Variants in HTT observed in about 807,000 individuals in gnomAD.
The protein encoded by HTT is huntingtin, also known as huntington disease protein.
In HTT, 104 loss-of-function variants were observed where a neutral mutation model predicts 362.3. The observed-to-expected ratio is 0.29, with a 90% CI of 0.24 to 0.34. The LOEUF (loss-of-function observed/expected upper bound fraction) is 0.34. Ranked by LOEUF, HTT falls within the 10% of genes least tolerant of loss-of-function variation. The probability of loss-of-function intolerance (pLI) is 1.00; values close to 1 mark genes in which losing one functional copy is unlikely to be tolerated. For missense variants in HTT, 3,301 were observed against 3,928.6 expected, an observed-to-expected ratio of 0.84 and a Z score of 4.27; for synonymous variants, 1,577 against 1,548.7, an observed-to-expected ratio of 1.02 and a Z score of -0.43.
chr4:3,167,127 A>G (rs990924688), intron 29 of HTT, among the ~76,000 whole-genome samples: 1 of 152,240 alleles, frequency 6.6e-6, no homozygotes, highest in Non-Finnish European at 1.5e-5. Flanking sequence ...GCTGACGTGC[A>G]TCGGCACAAT....
chr4:3,196,801 T>C lies in HTT; in HGVS notation c.5369-2931T>C, dbSNP rs187216217. Among the ~76,000 whole-genome samples, 41 of 152,136 alleles carry C rather than the reference T, an allele frequency of 2.7e-4. No individual in the cohort carries two copies. The East Asian group carries it at 7.3e-3, about 27-fold the overall frequency. Reference sequence around the variant, plus strand: ...CGAAACATGTATGTCTTACCTTTCCTTTCCTGCCTGTAGCTGCTCTTTTAC... The same window carrying C: ...CGAAACATGTATGTCTTACCTTTCCCTTCCTGCCTGTAGCTGCTCTTTTAC... On this transcript the variant is annotated intron_variant, in intron 40 of 66. Transcript: ENST00000355072.
At chr4:3,112,923 TTTACTC>T (rs1453618933) in intron 6 of HTT, 1 of 423,206 alleles carries the variant, frequency 2.4e-6, no homozygotes, top group Admixed American at 6.4e-5. Flanking sequence ...TGCTGATGCT[TTTACTC>T]TTAGCCTTCC....
chr4:3,218,413 A>G lies in HTT; in HGVS notation c.7242+461A>G, dbSNP rs1720514762. ...TTTGGGAAGCCAAGGTGGGCGGATCACTTGAGGTCAGGATTTCGAGACCAG... is the reference window on the plus strand; with the variant it reads ...TTTGGGAAGCCAAGGTGGGCGGATCGCTTGAGGTCAGGATTTCGAGACCAG... On this transcript the variant is annotated intron_variant, in intron 52 of 66. Coordinates refer to ENST00000355072, the MANE Select transcript of HTT (RefSeq NM_001388492.1). The surrounding 1 kb of genome is among the most constrained non-coding windows in gnomAD (Gnocchi z 4.4). Among the ~76,000 whole-genome samples, 1 of 152,184 alleles carries G rather than the reference A, an allele frequency of 6.6e-6. No individual in the cohort carries two copies. Among genetic ancestry groups the G allele is most frequent in the African/African-American group, 2.4e-5 (1 of 41,436 alleles).
intron 37 of HTT, among the ~76,000 whole-genome samples, chr4:3,186,117 A>G (rs545312505): frequency 2.0e-5 from 3 of 152,272 alleles, no homozygotes; most frequent in African/African-American, 7.2e-5. Context: ...GGCTATAGGA[A>G]CATGGGGCAG....
chr4:3,178,527 C>T (rs930433393), intron 35 of HTT, 81 bp downstream of exon 35: 11 of 1,269,602 alleles, frequency 8.7e-6, no homozygotes, highest in African/African-American at 3.0e-5. Flanking sequence ...CCACTTTGAA[C>T]GTTGTCAGTG....
chr4:3,138,671 T>C (rs1168579504), intron 21 of HTT, among the ~76,000 whole-genome samples: 1 of 152,216 alleles, frequency 6.6e-6, no homozygotes, highest in East Asian at 1.9e-4. Context: ...TGGAGTGTGG[T>C]GGTGCGATCT....
intron 38 of HTT, 72 bp from the exon 39 acceptor site, chr4:3,187,579 A>G (rs1718826412): frequency 1.9e-6 from 2 of 1,073,094 alleles, no homozygotes; most frequent in Non-Finnish European, 2.8e-6. Flanking sequence ...TTCTTTCACA[A>G]AATTGGCAAT....
At chr4:3,189,258 G>T (rs1378356111) in intron 40 of HTT, among the ~76,000 whole-genome samples, 165 bp downstream of exon 40, 1 of 152,182 alleles carries the variant, frequency 6.6e-6, no homozygotes, top group Admixed American at 6.5e-5. Flanking sequence ...ATGTGACCCA[G>T]CAGTTCCACT....
rs749526137 is a variant in HTT at position 3,129,974 on chromosome 4, C to G, written c.1794C>G (p.Pro598=). Residue 598 remains proline (P), a synonymous_variant, in exon 13 of 67, where the codon CCC becomes CCG. Coordinates refer to ENST00000355072, the MANE Select transcript of HTT (RefSeq NM_001388492.1). ...NQYLGLQIGQ[P]QDEDEEATGI... Reference sequence around the variant, plus strand: ...ATTTGGGCCTGCAGATTGGACAGCCCCAGGATGAAGATGAGGAAGCCACAG... The same window carrying G: ...ATTTGGGCCTGCAGATTGGACAGCCGCAGGATGAAGATGAGGAAGCCACAG... The G allele has an allele frequency of 6.2e-7, 1 of 1,613,948 alleles. No individual in the cohort carries two copies. The highest frequency in any genetic ancestry group is 8.5e-7 in the Non-Finnish European group (1 of 1,179,928).
chr4:3,153,736 T>C (rs1199620581), intron 26 of HTT, among the ~76,000 whole-genome samples: 1 of 152,000 alleles, frequency 6.6e-6, no homozygotes, highest in African/African-American at 2.4e-5. Flanking sequence ...AGCCTGGGCA[T>C]CATAGTGTGA....
chr4:3,210,021 A>G, intron 47 of HTT, 72 bp downstream of exon 47: 4 of 1,568,622 alleles, frequency 2.6e-6, no homozygotes, highest in Non-Finnish European at 3.5e-6. Flanking sequence ...TTGTCTCATC[A>G]TCATGTGACC....
intron 6 of HTT, among the ~76,000 whole-genome samples, chr4:3,112,639 C>G (rs1209817223): frequency 6.6e-6 from 1 of 152,120 alleles, no homozygotes; most frequent in African/African-American, 2.4e-5. Flanking sequence ...AGGGATATAC[C>G]ACAGTTTATT....
intron 22 of HTT, among the ~76,000 whole-genome samples, chr4:3,142,381 A>G (rs568876662): frequency 6.6e-6 from 1 of 152,270 alleles, no homozygotes; most frequent in Non-Finnish European, 1.5e-5. Flanking sequence ...TATAACTATA[A>G]TGGGGGATAG....
At chr4:3,157,536 A>C (rs1043566845) in intron 28 of HTT, among the ~76,000 whole-genome samples, 1 of 152,206 alleles carries the variant, frequency 6.6e-6, no homozygotes, top group Non-Finnish European at 1.5e-5. Flanking sequence ...ACAAAAATAC[A>C]GCAACATGCT....
In HTT at chr4:3,177,124, T is replaced by A. The variant is rs529226860; in HGVS notation, c.4408-208T>A. Among the ~76,000 whole-genome samples, 17 of 152,364 alleles carry A rather than the reference T, an allele frequency of 1.1e-4. No individual in the cohort carries two copies. In the South Asian group the frequency reaches 1.9e-3, roughly 17 times the overall value. ...TTTGTTTTTCCAATGAGATTTCACC[T>A]CAGGGTATAGTAAAGTTGTTGAGGG... On this transcript the variant is annotated intron_variant, in intron 33 of 66. Coordinates refer to ENST00000355072, the MANE Select transcript of HTT (RefSeq NM_001388492.1).
chr4:3,229,075 CCA>C (rs1178755360), intron 59 of HTT, 66 bp downstream of exon 59: 465 of 1,466,212 alleles, frequency 3.2e-4, no homozygotes, highest in African/African-American at 3.7e-4. Context: ...GCCACACACC[CCA>C]CACACACACA....
At chr4:3,076,726 A>G (rs1712573510) in intron 1 of HTT, among the ~76,000 whole-genome samples, 1 of 152,204 alleles carries the variant, frequency 6.6e-6, no homozygotes, top group Non-Finnish European at 1.5e-5. Context: ...ACACTTGATC[A>G]TTCTAAAAAT....
chr4:3,226,655 G>A (rs913908218), intron 57 of HTT, among the ~76,000 whole-genome samples: 2 of 152,268 alleles, frequency 1.3e-5, no homozygotes, highest in African/African-American at 4.8e-5. Flanking sequence ...GTGCAGGACA[G>A]TTCTCTTTGT....
In HTT at chr4:3,222,440, CT is replaced by C; in HGVS notation, c.7424del (p.Leu2475ArgfsTer2). ...EETWATLLGVLVTQPLVMEQE... is the reference protein window; with the variant it reads ...EETWATLLGVXVTQPLVMEQE... ...AACTTGGGCCACCCTCCTTGGTGTC[CT>C]GGTGACGCAGCCCCTCGTGATGGAG... On this transcript the variant is annotated frameshift_variant, in exon 54 of 67. Transcript: ENST00000355072. LOFTEE classifies it high-confidence loss of function. The C allele has an allele frequency of 6.2e-7, 1 of 1,614,198 alleles. No individual in the cohort carries two copies.
Sources: gnomAD v4.1 joint callset for allele counts (sites outside exome capture counted in the v4.1 genomes callset) on GRCh38, gnomAD v4.1.1 for gene constraint, Gnocchi (gnomAD v3.1) non-coding constraint, MANE v1.5 for transcripts, NCBI Gene and HGNC (gene_info 2026-07-23, HGNC 2026-07-21) for gene names.